The following LONRF1 variants were observed in gnomAD, a reference collection of about 807,000 sequenced individuals.
LONRF1 encodes LON peptidase N-terminal domain and RING finger protein 1.
Under a neutral mutation model 85.8 loss-of-function variants are expected in LONRF1, and 37 were observed. The ratio of observed to expected loss-of-function variants is 0.43; its 90% confidence interval spans 0.33 to 0.57. LONRF1 has a LOEUF of 0.57. Ranked by LOEUF, LONRF1 falls within the 20% of genes least tolerant of loss-of-function variation. LONRF1 has a pLI of 0.04. For synonymous variants in LONRF1, 517 were observed against 390.1 expected (o/e 1.33, Z -3.83); for missense variants, 1,036 against 978.0 (o/e 1.06, Z -0.79).
rs1007202988 is a variant in LONRF1, at chr8:12,740,952, T to G, written c.885A>C (p.Leu295Phe). 4.5e-5 allele frequency: 72 copies of G among 1,613,502 alleles called. No individual in the cohort carries two copies. Among genetic ancestry groups the G allele is most frequent in the Non-Finnish European group, 5.9e-5 (70 of 1,179,654 alleles). Reference protein sequence around the residue: ...KGKVLCDAGFLGDALQLFLQC... With the variant: ...KGKVLCDAGFFGDALQLFLQC... ...GAAGAAAGAGTTGTAAGGCATCACC[T>G]AAAAAACCAGCATCGCAGAGTACTT... The change falls in exon 3 of 12, where the codon TTA becomes TTC. Residue 295 changes from leucine (L) to phenylalanine (F), a missense_variant. Physicochemically the swap from Leu to Phe is conservative, Grantham distance 22 (BLOSUM62 0). Coordinates refer to ENST00000398246, the MANE Select transcript of LONRF1 (RefSeq NM_152271.5).
rs1193708543 is a variant in LONRF1 at position 12,754,955 on chromosome 8, G to T, written c.466C>A (p.Arg156Ser). 6.7e-7 allele frequency: 1 copy of T among 1,490,234 alleles called. No homozygotes were observed. The highest frequency in any genetic ancestry group is 2.2e-5 in the Admixed American group (1 of 45,196). The allele number at this position is 1,490,234 out of a possible 1,614,324, so 92.3% of individuals were successfully genotyped here. A position where few individuals can be genotyped will look rare whatever the true frequency, so the allele number is the denominator to read the frequency against. The change falls in exon 1 of 12, where the codon CGC (arginine) becomes AGC (serine). Residue 156 changes from arginine to serine, a missense_variant. By Grantham distance (110) the Arg-to-Ser change is moderately radical (BLOSUM62 -1). This residue lies in a region of LONRF1 where 742 missense variants were observed against 614.4 expected (regional missense o/e 1.21). Transcript: ENST00000398246. ...CLRRELRARC[R>S]LCRDRLPPAT... ...GGCGGCAGCCGGTCCCGGCAGAGGC[G>T]GCAGCGGGCGCGGAGTTCCCTCCGC... is the stretch of plus-strand genomic sequence containing the variant.
At chr8:12,740,353 G>C (rs1489285618) in intron 3 of LONRF1, among the ~76,000 whole-genome samples, 3 of 152,142 alleles carry the variant, frequency 2.0e-5, no homozygotes, top group African/African-American at 7.2e-5. Context: ...GCTTCCCAAA[G>C]TCACTTCATC....
At chr8:12,731,224 C>G (rs902363078) in intron 8 of LONRF1, among the ~76,000 whole-genome samples, 4 of 152,160 alleles carry the variant, frequency 2.6e-5, no homozygotes, top group Non-Finnish European at 5.9e-5. Context: ...CCTCCCGACA[C>G]CAACTCAGTT....
At chr8:12,723,626 C>G (rs1245061852) in intron 11 of LONRF1, among the ~76,000 whole-genome samples, 2 of 152,246 alleles carry the variant, frequency 1.3e-5, no homozygotes, top group Non-Finnish European at 2.9e-5. Flanking sequence ...GCACATTCAG[C>G]AGCACCTCTG....
At chr8:12,733,880 C>A (rs530352588) in intron 7 of LONRF1, among the ~76,000 whole-genome samples, 4 of 152,020 alleles carry the variant, frequency 2.6e-5, no homozygotes, top group African/African-American at 9.7e-5. Context: ...AATTATATTA[C>A]GCAGGGTATC....
At chr8:12,729,561 T>C (rs535663639) in intron 8 of LONRF1, among the ~76,000 whole-genome samples, 17 of 152,164 alleles carry the variant, frequency 1.1e-4, no homozygotes, top group Non-Finnish European at 2.2e-4. Flanking sequence ...ATCCTCTTAT[T>C]TATAAGAGTA....
chr8:12,746,782 G>T (rs1799174143), intron 1 of LONRF1, among the ~76,000 whole-genome samples: 1 of 152,114 alleles, frequency 6.6e-6, no homozygotes, highest in Non-Finnish European at 1.5e-5. Context: ...CTAGTAATTG[G>T]TGGATTCGAG....
intron 8 of LONRF1, among the ~76,000 whole-genome samples, chr8:12,729,724 C>A (rs1324490820): frequency 1.3e-5 from 2 of 152,086 alleles, no homozygotes; most frequent in Non-Finnish European, 2.9e-5. Flanking sequence ...CATAGTTACT[C>A]TTAGATAACA....
chr8:12,740,744 T>G, intron 3 of LONRF1, 130 bp downstream of exon 3: 1 of 1,174,096 alleles, frequency 8.5e-7, no homozygotes, highest in Non-Finnish European at 1.2e-6. Flanking sequence ...CCACTCAAAT[T>G]ATCACATTTG....
At chr8:12,746,094 C>T (rs1459360951) in intron 1 of LONRF1, among the ~76,000 whole-genome samples, 1 of 152,150 alleles carries the variant, frequency 6.6e-6, no homozygotes, top group Non-Finnish European at 1.5e-5. Flanking sequence ...AATGTCACCT[C>T]CTATGATATT....
intron 6 of LONRF1, chr8:12,735,650 C>T: frequency 2.4e-6 from 1 of 414,606 alleles, no homozygotes; most frequent in Non-Finnish European, 4.4e-6. Flanking sequence ...ACTAACGCAA[C>T]AGCCCCTGGA....
intron 7 of LONRF1, among the ~76,000 whole-genome samples, chr8:12,734,131 G>C (rs1237184266): frequency 6.6e-6 from 1 of 152,138 alleles, no homozygotes; most frequent in Non-Finnish European, 1.5e-5. Context: ...TGGAAAAATA[G>C]CATGTTTACA....
In LONRF1 at chr8:12,729,193, C is replaced by T; in HGVS notation, c.1828G>A (p.Val610Ile). 1 of 1,613,904 alleles carries T rather than the reference C, an allele frequency of 6.2e-7. No homozygotes were observed. The highest frequency in any genetic ancestry group is 8.5e-7 in the Non-Finnish European group (1 of 1,179,854). The change falls in exon 9 of 12, where the codon GTC becomes ATC. Residue 610 changes from valine (V) to isoleucine (I), a missense_variant. By Grantham distance (29) the Val-to-Ile change is conservative (BLOSUM62 3). This residue lies in a region of LONRF1 where 265 missense variants were observed against 301.5 expected (regional missense o/e 0.88). Coordinates refer to ENST00000398246, the MANE Select transcript of LONRF1 (RefSeq NM_152271.5). ...QTGTKQFGMCVSDTQNSFADY... is the reference protein window; with the variant it reads ...QTGTKQFGMCISDTQNSFADY... ...GCATACCTATTTTGTGTATCACTGA[C>T]ACACATGCCAAACTGTTTGGTTCCA...
At chr8:12,735,181 G>T in intron 7 of LONRF1, 105 bp downstream of exon 7, 2 of 714,158 alleles carry the variant, frequency 2.8e-6, no homozygotes, top group Non-Finnish European at 4.8e-6. Flanking sequence ...TCAGAATATA[G>T]AATGTAATTC....
At position 12,729,181 on chromosome 8, in the gene LONRF1, G is replaced by T; in HGVS notation, c.1840C>A (p.Gln614Lys). ...KQFGMCVSDT[Q>K]NSFADYGCML... ...GGTTCACAAAAAGCATACCTATTTT[G>T]TGTATCACTGACACACATGCCAAAC... The change falls in exon 9 of 12, where the codon CAA becomes AAA. Residue 614 changes from glutamine to lysine, a missense_variant. Coordinates refer to ENST00000398246, the MANE Select transcript of LONRF1 (RefSeq NM_152271.5). 1 of 1,613,798 alleles carries T rather than the reference G, an allele frequency of 6.2e-7. No homozygotes were observed. Among genetic ancestry groups the T allele is most frequent in the Non-Finnish European group, 8.5e-7 (1 of 1,179,822 alleles).
chr8:12,733,822 T>G (rs1798619075), intron 7 of LONRF1, among the ~76,000 whole-genome samples: 2 of 152,166 alleles, frequency 1.3e-5, no homozygotes. Context: ...AATGTAAAAC[T>G]GAACAGCATA....
At chr8:12,723,756 T>C (rs1030758391) in intron 11 of LONRF1, among the ~76,000 whole-genome samples, 4 of 152,252 alleles carry the variant, frequency 2.6e-5, no homozygotes, top group African/African-American at 9.6e-5. Flanking sequence ...GCCACTTTCT[T>C]GAGCTATAGA....
Position 12,731,838 on chromosome 8 carries a change from T to A in LONRF1, c.1586A>T (p.Tyr529Phe), listed in dbSNP as rs1187180190. The change falls in exon 8 of 12, where the codon TAC (tyrosine) becomes TTC (phenylalanine). Residue 529 changes from tyrosine to phenylalanine, a missense_variant. Physicochemically the swap from Tyr to Phe is conservative, Grantham distance 22 (BLOSUM62 3). Around this residue, in one of 3 missense-constraint regions of LONRF1, gnomAD observed 265 missense variants for 301.5 expected, o/e 0.88. Coordinates refer to ENST00000398246, the MANE Select transcript of LONRF1 (RefSeq NM_152271.5). ...TTCTTCCAACAGCTGTGTGACACAGTACCTCCTATCTGCTAGATACTAAAA... is the reference window on the plus strand; with the variant it reads ...TTCTTCCAACAGCTGTGTGACACAGAACCTCCTATCTGCTAGATACTAAAA... ...SLKEYLADRR[Y>F]CVTQLLEELI... 1 of 1,612,862 alleles carries A rather than the reference T, an allele frequency of 6.2e-7. No individual in the cohort carries two copies. The highest frequency in any genetic ancestry group is 1.1e-5 in the South Asian group (1 of 90,910).
intron 11 of LONRF1, among the ~76,000 whole-genome samples, chr8:12,724,520 C>G (rs1228830459): frequency 6.6e-6 from 1 of 152,150 alleles, no homozygotes; most frequent in Non-Finnish European, 1.5e-5. Context: ...TATACAAAGT[C>G]TACATCCTAC....
Sources: allele counts gnomAD v4.1 joint callset (sites outside exome capture counted in the v4.1 genomes callset), GRCh38; gene constraint gnomAD v4.1.1; regional missense constraint gnomAD v4.1.1; transcripts MANE v1.5; gene names NCBI Gene and HGNC (gene_info 2026-07-23, HGNC 2026-07-21).